Variants in NCALD observed in about 807,000 individuals in gnomAD.
NCALD encodes neurocalcin delta, also known as neurocalcin-delta.
A neutral mutation model predicts 18.6 loss-of-function variants in NCALD; 10 were observed. The ratio of observed to expected loss-of-function variants is 0.54; its 90% CI spans 0.33 to 0.91. The LOEUF (loss-of-function observed/expected upper bound fraction) is 0.91. Among genes scored for constraint, NCALD ranks in the 40% least tolerant of loss-of-function variants. The probability of loss-of-function intolerance (pLI) is 0.03; values close to 1 mark genes in which losing one functional copy is unlikely to be tolerated. For synonymous variants in NCALD, 88 were observed against 87.4 expected (o/e 1.01, Z -0.04); for missense variants, 184 against 247.6 (o/e 0.74, Z 1.72).
intron 4 of NCALD, among the ~76,000 whole-genome samples, chr8:101,866,725 T>C (rs942563429): frequency 3.9e-5 from 6 of 152,104 alleles, no homozygotes; most frequent in African/African-American, 1.2e-4. Context: ...TCCAACCTCT[T>C]CTCATTACCA....
chr8:101,791,358 AAAAGG>A (rs1039545494), upstream of NCALD, among the ~76,000 whole-genome samples: 4 of 152,178 alleles, frequency 2.6e-5, no homozygotes, highest in African/African-American at 9.7e-5. Context: ...TCTCTATAAC[AAAAGG>A]AAAGAAACTG....
intron 4 of NCALD, among the ~76,000 whole-genome samples, chr8:101,865,183 G>A (rs142031794): frequency 1.7e-4 from 26 of 152,242 alleles, no homozygotes; most frequent in African/African-American, 5.3e-4. Context: ...GAAAACTCAC[G>A]TTTCTAATTT....
chr8:101,944,646 C>T (rs1819098611), intron 2 of NCALD, among the ~76,000 whole-genome samples: 1 of 152,182 alleles, frequency 6.6e-6, no homozygotes, highest in African/African-American at 2.4e-5. Context: ...AATTGGAGAC[C>T]ATGCAGGAGA....
In NCALD at chr8:101,688,958, T is replaced by C. The variant is rs1265908785; in HGVS notation, c.*351A>G. ...AACAAAAGCCCCTTGAAGCTTGCAATAGAATCACAGGACTGGATGGGTTTC... is the reference window on the plus strand; with the variant it reads ...AACAAAAGCCCCTTGAAGCTTGCAACAGAATCACAGGACTGGATGGGTTTC... On this transcript the variant is annotated 3_prime_UTR_variant, in exon 4 of 4. Transcript: ENST00000220931. 4.6e-6 allele frequency: 3 copies of C among 651,368 alleles called. No homozygotes were observed. Among genetic ancestry groups the C allele is most frequent in the Non-Finnish European group, 8.2e-6 (3 of 364,924 alleles). The allele number at this position is 651,368 out of a possible 1,614,324, so 40.3% of individuals were successfully genotyped here.
chr8:102,106,562 C>T (rs1263470887), intron 1 of NCALD, among the ~76,000 whole-genome samples: 1 of 151,782 alleles, frequency 6.6e-6, no homozygotes, highest in Non-Finnish European at 1.5e-5. Flanking sequence ...TCATCCTTAT[C>T]CTGCAGCGTG....
At chr8:102,053,206 T>C (rs1206312578) in intron 1 of NCALD, among the ~76,000 whole-genome samples, 3 of 152,224 alleles carry the variant, frequency 2.0e-5, no homozygotes, top group Admixed American at 6.5e-5. Flanking sequence ...TCATGTCTTA[T>C]GAAATTCAGA....
At chr8:101,932,940 TC>T (rs1418444801) in intron 2 of NCALD, among the ~76,000 whole-genome samples, 1 of 152,228 alleles carries the variant, frequency 6.6e-6, no homozygotes, top group Non-Finnish European at 1.5e-5. Context: ...TTAGAATTTT[TC>T]CCCTTCACAT....
At position 101,689,418 on chromosome 8, in the gene NCALD, G is replaced by A. The variant is rs765784452; in HGVS notation, c.485-12C>T. ...CAGGGAGAGTTTTCCTAGGAAGCAA[G>A]AGGACAGGTGAGTGGTGGCTGGTGG... On this transcript the variant is annotated splice_polypyrimidine_tract_variant and intron_variant, in intron 3 of 3. Transcript: ENST00000220931. The surrounding 1 kb of genome is among the most constrained non-coding windows in gnomAD (Gnocchi z 4.4). 5.1e-6 allele frequency: 8 copies of A among 1,583,572 alleles called. No individual in the cohort carries two copies. The highest frequency in any genetic ancestry group is 6.9e-6 in the Non-Finnish European group (8 of 1,163,148).
intron 1 of NCALD, among the ~76,000 whole-genome samples, chr8:102,037,588 C>G (rs1822914672): frequency 6.6e-6 from 1 of 152,164 alleles, no homozygotes; most frequent in Non-Finnish European, 1.5e-5. Flanking sequence ...CAGGAGCTAT[C>G]TCTAGGTGTT....
chr8:101,876,074 T>C (rs1301659088), intron 4 of NCALD, among the ~76,000 whole-genome samples: 1 of 152,208 alleles, frequency 6.6e-6, no homozygotes, highest in African/African-American at 2.4e-5. Context: ...GAAGTCAAGT[T>C]AGAATACCAG....
intron 1 of NCALD, among the ~76,000 whole-genome samples, chr8:101,775,953 G>C (rs1049771101): frequency 6.6e-6 from 1 of 152,172 alleles, no homozygotes; most frequent in Non-Finnish European, 1.5e-5. Context: ...TCTAATGCTA[G>C]TGGCTTCATT....
intron 2 of NCALD, among the ~76,000 whole-genome samples, chr8:101,965,461 G>T (rs570783543): frequency 6.6e-6 from 1 of 152,168 alleles, no homozygotes; most frequent in East Asian, 1.9e-4. Flanking sequence ...CATGTACTTT[G>T]CAGGGACATG....
rs1819822547 is a variant in NCALD, at chr8:101,961,210, GATAAT to G, written c.-156-45357_-156-45353del. Among the ~76,000 whole-genome samples the G allele has an allele frequency of 2.0e-5, 3 of 152,160 alleles. No homozygotes were observed. The South Asian group carries it at 6.2e-4, about 31-fold the overall frequency. On this transcript the variant is annotated intron_variant, in intron 2 of 6. Coordinates refer to the NCALD transcript ENST00000311028. ...AGATGGTTTGATGAGAATCAAATGA[GATAAT>G]ATAAGTAAAATATTTAGCACAGAAT...
chr8:102,116,269 AAAACAAAAAC>A (rs145638658), intron 1 of NCALD, among the ~76,000 whole-genome samples: 20,772 of 152,062 alleles, frequency 0.14, 1,539 homozygotes, highest in Non-Finnish European at 0.16. Flanking sequence ...AACAAAAACA[AAAACAAAAAC>A]AAACAAAAAC....
At chr8:101,759,586 T>C (rs527963006) in intron 1 of NCALD, among the ~76,000 whole-genome samples, 21 of 152,268 alleles carry the variant, frequency 1.4e-4, no homozygotes, top group African/African-American at 4.8e-4. Flanking sequence ...AGGAGAGCAA[T>C]GTTCTCTTTC....
chr8:102,066,179 C>T (rs1824002445), intron 1 of NCALD, among the ~76,000 whole-genome samples: 1 of 152,244 alleles, frequency 6.6e-6, no homozygotes, highest in South Asian at 2.1e-4. Flanking sequence ...GGAAATGTCA[C>T]AGGTCATGTG....
intron 4 of NCALD, among the ~76,000 whole-genome samples, chr8:101,856,846 C>T (rs1260149184): frequency 2.0e-5 from 3 of 152,144 alleles, no homozygotes; most frequent in Admixed American, 6.5e-5. Flanking sequence ...GTCCTGACTC[C>T]TTCTGCTCCT....
chr8:101,789,053 C>T (rs1304686996), intron 1 of NCALD: 1 of 152,074 alleles, frequency 6.6e-6, no homozygotes, highest in Non-Finnish European at 1.5e-5. Context: ...GCATTGAATA[C>T]AATTATTATA....
At chr8:102,112,865 A>G (rs762609106) in intron 1 of NCALD, among the ~76,000 whole-genome samples, 2 of 152,168 alleles carry the variant, frequency 1.3e-5, no homozygotes, top group Non-Finnish European at 2.9e-5. Context: ...CTCTCTGGCC[A>G]TGTGATCTCT....
Sources: gnomAD v4.1 joint callset for allele counts (sites outside exome capture counted in the v4.1 genomes callset) on GRCh38, gnomAD v4.1.1 for gene constraint, Gnocchi (gnomAD v3.1) non-coding constraint, MANE v1.5 for transcripts, NCBI Gene and HGNC (gene_info 2026-07-23, HGNC 2026-07-21) for gene names.